MDGA2: variants seen among roughly 807,000 people sequenced by gnomAD.
MDGA2 encodes MAM domain-containing glycosylphosphatidylinositol anchor protein 2.
MDGA2 carries 40 observed loss-of-function variants against 117.8 expected under a neutral mutation model. That is an observed-to-expected ratio of 0.34 (90% CI 0.26 to 0.44). The LOEUF is 0.44. Among genes scored for constraint, MDGA2 ranks in the 20% least tolerant of loss-of-function variants. MDGA2 has a pLI of 1.00. For missense variants in MDGA2, 1,123 were observed against 1,250.6 expected, an observed-to-expected ratio of 0.90 and a Z score of 1.54; for synonymous variants, 452 against 439.0, an observed-to-expected ratio of 1.03 and a Z score of -0.37.
chr14:46,975,868 C>T (rs911244368), intron 8 of MDGA2, among the ~76,000 whole-genome samples: 3 of 152,016 alleles, frequency 2.0e-5, no homozygotes, highest in South Asian at 4.2e-4. Context: ...GCTATGTCCT[C>T]GCATGTGGAA....
At position 46,840,741 on chromosome 14, in the gene MDGA2, T is replaced by A. The variant is rs1880574708; in HGVS notation, c.*1190A>T. The A allele has an allele frequency of 6.6e-6, 1 of 152,416 alleles. No individual in the cohort carries two copies. Among genetic ancestry groups the A allele is most frequent in the South Asian group, 2.1e-4 (1 of 4,820 alleles). 9.4% of individuals were successfully genotyped at this position (152,416 alleles called of 1,614,324 possible). On this transcript the variant is annotated 3_prime_UTR_variant, in exon 17 of 17. Coordinates refer to ENST00000399232, the MANE Select transcript of MDGA2 (RefSeq NM_001113498.3). ...ATTTCATTTCAAATGGAGGTTAGAGTAAAAAAATCACTTTTGTGTTTTACC... is the reference window on the plus strand; with the variant it reads ...ATTTCATTTCAAATGGAGGTTAGAGAAAAAAAATCACTTTTGTGTTTTACC...
intron 1 of MDGA2, among the ~76,000 whole-genome samples, chr14:47,568,226 C>T (rs978968891): frequency 2.0e-5 from 3 of 152,168 alleles, no homozygotes; most frequent in Non-Finnish European, 2.9e-5. Context: ...GATTTTACTC[C>T]AGTACCGCAA....
chr14:47,096,809 C>A, intron 6 of MDGA2, 45 bp downstream of exon 6: 1 of 1,591,348 alleles, frequency 6.3e-7, no homozygotes, highest in South Asian at 1.1e-5. Flanking sequence ...TTTTTGAGAG[C>A]CTAACCTAGG....
chr14:47,379,509 A>G (rs1891562173), intron 1 of MDGA2, among the ~76,000 whole-genome samples: 1 of 152,226 alleles, frequency 6.6e-6, no homozygotes, highest in South Asian at 2.1e-4. Context: ...GCTCAAAATA[A>G]AGGGATGGAG....
At chr14:47,108,651 A>T (rs1179194628) in intron 5 of MDGA2, among the ~76,000 whole-genome samples, 1 of 152,110 alleles carries the variant, frequency 6.6e-6, no homozygotes, top group Non-Finnish European at 1.5e-5. Flanking sequence ...CCCCACCCTT[A>T]TCTCCCTTCG....
intron 8 of MDGA2, among the ~76,000 whole-genome samples, chr14:46,971,163 CA>C (rs564794483): frequency 7.3e-5 from 11 of 151,642 alleles, no homozygotes; most frequent in African/African-American, 2.4e-4. Flanking sequence ...GACAATTACT[CA>C]AAAAAAATAA....
chr14:47,642,884 T>A (rs1045539159), intron 1 of MDGA2, among the ~76,000 whole-genome samples: 2 of 152,106 alleles, frequency 1.3e-5, no homozygotes, highest in African/African-American at 2.4e-5. Context: ...GAGCTGGAGA[T>A]AGATTGGGTT....
intron 1 of MDGA2, among the ~76,000 whole-genome samples, chr14:47,388,818 C>T (rs17118504): frequency 0.23 from 35,687 of 152,012 alleles, 4,314 homozygotes; most frequent in South Asian, 0.37. Context: ...GACAAAGCAA[C>T]GCCACTTTGG....
intron 3 of MDGA2, among the ~76,000 whole-genome samples, chr14:47,177,178 T>C (rs559342550): frequency 2.0e-5 from 3 of 152,232 alleles, no homozygotes; most frequent in African/African-American, 7.2e-5. Context: ...TGTGGAGAAA[T>C]AGGAACACTT....
intron 1 of MDGA2, among the ~76,000 whole-genome samples, chr14:47,597,411 C>T (rs999444333): frequency 6.6e-6 from 1 of 151,348 alleles, no homozygotes; most frequent in African/African-American, 2.4e-5. Context: ...TTTTTTCTTT[C>T]CAGCAAATTC....
At chr14:47,381,749 G>A (rs148562791) in intron 1 of MDGA2, among the ~76,000 whole-genome samples, 12,112 of 152,088 alleles carry the variant, frequency 0.08, 546 homozygotes, top group Non-Finnish European at 0.089. Context: ...ATGCTCATGG[G>A]TACGAAGAAT....
rs751985143 is a variant in MDGA2 at position 47,061,255 on chromosome 14, T to G, written c.1519A>C (p.Ser507Arg). Residue 507 changes from serine (S) to arginine (R), a missense_variant, in exon 7 of 17, where the codon AGC becomes CGC. Physicochemically the swap from Ser to Arg is moderately radical, Grantham distance 110 (BLOSUM62 -1). This residue lies in a region of MDGA2 where 890 missense variants were observed against 1,050.3 expected (regional missense o/e 0.85). Coordinates refer to ENST00000399232, the MANE Select transcript of MDGA2 (RefSeq NM_001113498.3). ...DISIDVNISS[S>R]TVPPNLTVPQ... Reference sequence around the variant, plus strand: ...ATAAATATATGCCTCTTACCTGTGCTGCTGGATATATTAACATCGATACTG... The same window carrying G: ...ATAAATATATGCCTCTTACCTGTGCGGCTGGATATATTAACATCGATACTG... 6 of 1,611,892 alleles carry G rather than the reference T, an allele frequency of 3.7e-6. No individual in the cohort carries two copies. The highest frequency in any genetic ancestry group is 5.1e-6 in the Non-Finnish European group (6 of 1,178,250).
chr14:47,189,650 A>T (rs1445036879), intron 3 of MDGA2, among the ~76,000 whole-genome samples: 1 of 152,156 alleles, frequency 6.6e-6, no homozygotes, highest in East Asian at 1.9e-4. Context: ...GCTGTTAGAC[A>T]ATCATCATTT....
chr14:47,389,608 A>ACACC (rs1167342840), intron 1 of MDGA2, among the ~76,000 whole-genome samples: 1 of 95,966 alleles, frequency 1.0e-5, no homozygotes, highest in East Asian at 2.6e-4. Context: ...ACACACACCC[A>ACACC]CACACACACA....
chr14:47,651,677 G>A (rs932498965), intron 1 of MDGA2, among the ~76,000 whole-genome samples: 22 of 152,096 alleles, frequency 1.4e-4, no homozygotes, highest in African/African-American at 5.3e-4. Flanking sequence ...GGAGAATAAT[G>A]AAGAGAATAC....
chr14:47,608,176 T>C (rs576898143), intron 1 of MDGA2, among the ~76,000 whole-genome samples: 1 of 152,170 alleles, frequency 6.6e-6, no homozygotes, highest in Admixed American at 6.6e-5. Context: ...TATCACTGAA[T>C]GATGCATAGC....
At chr14:47,598,454 A>C (rs564936471) in intron 1 of MDGA2, among the ~76,000 whole-genome samples, 4 of 152,344 alleles carry the variant, frequency 2.6e-5, no homozygotes, top group Admixed American at 6.5e-5. Context: ...ATGGATAAAT[A>C]GAAAGTGATA....
Position 47,372,397 on chromosome 14 carries a change from G to A in MDGA2, c.281-70847C>T, listed in dbSNP as rs569565922. ...TTGTAGGAAGAAAACAAACAAATTTGATAGAAAAAGGGCAAAGGAAAAGAA... is the reference window on the plus strand; with the variant it reads ...TTGTAGGAAGAAAACAAACAAATTTAATAGAAAAAGGGCAAAGGAAAAGAA... On this transcript the variant is annotated intron_variant, in intron 1 of 16. Coordinates refer to ENST00000399232, the MANE Select transcript of MDGA2 (RefSeq NM_001113498.3). Among the ~76,000 whole-genome samples, 4 of 151,928 alleles carry A rather than the reference G, an allele frequency of 2.6e-5. No individual in the cohort carries two copies. The East Asian group carries it at 5.8e-4, about 22-fold the overall frequency.
At chr14:47,295,160 T>C (rs1889021242) in intron 2 of MDGA2, among the ~76,000 whole-genome samples, 1 of 152,214 alleles carries the variant, frequency 6.6e-6, no homozygotes, top group Non-Finnish European at 1.5e-5. Context: ...AAATGAAATC[T>C]TACCCAGAAA....
Sources: allele counts gnomAD v4.1 joint callset (sites outside exome capture counted in the v4.1 genomes callset), GRCh38; gene constraint gnomAD v4.1.1; regional missense constraint gnomAD v4.1.1; transcripts MANE v1.5; gene names NCBI Gene and HGNC (gene_info 2026-07-23, HGNC 2026-07-21).